The following IQGAP2 variants were observed in gnomAD, a reference collection of about 807,000 sequenced individuals.
IQGAP2 encodes IQ motif containing GTPase activating protein 2, also known as ras GTPase-activating-like protein IQGAP2.
In IQGAP2, 173 loss-of-function variants were observed where a neutral mutation model predicts 201.3. The ratio of observed to expected loss-of-function variants is 0.86; its 90% CI spans 0.76 to 0.98. The LOEUF is 0.98. Ranked by LOEUF, IQGAP2 falls within the 50% of genes least tolerant of loss-of-function variation. The pLI is 0.00. For synonymous variants in IQGAP2, 675 were observed against 673.9 expected (o/e 1.00, Z -0.03); for missense variants, 1,687 against 1,864.8 (o/e 0.90, Z 1.76).
At chr5:76,444,790 C>T (rs1020005862) in intron 1 of IQGAP2, among the ~76,000 whole-genome samples, 1 of 152,084 alleles carries the variant, frequency 6.6e-6, no homozygotes, top group African/African-American at 2.4e-5. Context: ...TGGTTCCTGC[C>T]AAATCTAGAA....
At chr5:76,553,700 T>C (rs989405351) in intron 2 of IQGAP2, among the ~76,000 whole-genome samples, 12 of 152,192 alleles carry the variant, frequency 7.9e-5, no homozygotes, top group Non-Finnish European at 2.9e-5. Flanking sequence ...CTGCCACAAG[T>C]AGTCCCACCC....
chr5:76,695,207 T>C (rs949314673), intron 31 of IQGAP2, among the ~76,000 whole-genome samples: 3 of 152,240 alleles, frequency 2.0e-5, no homozygotes, highest in African/African-American at 7.2e-5. Flanking sequence ...ATTACTATAG[T>C]GATTTGTCAC....
At chr5:76,500,638 T>C in intron 2 of IQGAP2, among the ~76,000 whole-genome samples, 1 of 152,228 alleles carries the variant, frequency 6.6e-6, no homozygotes, top group Admixed American at 6.5e-5. Flanking sequence ...GCCCCTTTTG[T>C]GCCTGGCTCT....
chr5:76,429,155 A>G (rs1277100304), intron 1 of IQGAP2, among the ~76,000 whole-genome samples: 1 of 152,046 alleles, frequency 6.6e-6, no homozygotes, highest in Non-Finnish European at 1.5e-5. Flanking sequence ...TTCCATTGAG[A>G]AGTAGGTCAT....
In IQGAP2 at chr5:76,668,834, G is replaced by A; in HGVS notation, c.2833G>A (p.Glu945Lys). Residue 945 changes from glutamate (E) to lysine (K), a missense_variant, in exon 23 of 36, where the codon GAA becomes AAA. By Grantham distance (56) the Glu-to-Lys change is moderately conservative. Coordinates refer to ENST00000274364, the MANE Select transcript of IQGAP2 (RefSeq NM_006633.5). Reference protein sequence around the residue: ...LLKLFKTALEEEIKSKVDQVQ... With the variant: ...LLKLFKTALEKEIKSKVDQVQ... Reference sequence around the variant, plus strand: ...CAAGCTTTTTAAAACTGCTCTGGAGGAAGAAATAAAGTATGTATACAAATA... The same window carrying A: ...CAAGCTTTTTAAAACTGCTCTGGAGAAAGAAATAAAGTATGTATACAAATA... The A allele has an allele frequency of 1.9e-6, 3 of 1,586,842 alleles. No individual in the cohort carries two copies. Among genetic ancestry groups the A allele is most frequent in the Non-Finnish European group, 2.6e-6 (3 of 1,165,826 alleles).
chr5:76,683,405 G>A (rs1745475380), intron 29 of IQGAP2, among the ~76,000 whole-genome samples, 188 bp downstream of exon 29: 1 of 151,952 alleles, frequency 6.6e-6, no homozygotes, highest in African/African-American at 2.4e-5. Flanking sequence ...ATGGAGTCCG[G>A]GATTATAAAA....
chr5:76,575,609 C>A, intron 4 of IQGAP2, 84 bp from the exon 5 acceptor site: 1 of 705,568 alleles, frequency 1.4e-6, no homozygotes, highest in Non-Finnish European at 2.3e-6. Context: ...ATAGCAAGGA[C>A]AATCAAAATA....
intron 5 of IQGAP2, among the ~76,000 whole-genome samples, chr5:76,582,074 G>A (rs1745910326): frequency 6.6e-6 from 1 of 152,184 alleles, no homozygotes; most frequent in Admixed American, 6.5e-5. Flanking sequence ...TATCTGTGCA[G>A]TGGTCACTAT....
At chr5:76,511,055 G>A (rs1486368730) in intron 2 of IQGAP2, among the ~76,000 whole-genome samples, 1 of 152,220 alleles carries the variant, frequency 6.6e-6, no homozygotes, top group East Asian at 1.9e-4. Context: ...GCCACATGCT[G>A]CTGGCTCCAC....
At chr5:76,644,580 A>G (rs978208605) in intron 17 of IQGAP2, among the ~76,000 whole-genome samples, 2 of 150,898 alleles carry the variant, frequency 1.3e-5, no homozygotes, top group Non-Finnish European at 2.9e-5. Flanking sequence ...GATTATAGGC[A>G]TAAGCCACCA....
chr5:76,512,744 A>G (rs1243680286), intron 2 of IQGAP2, among the ~76,000 whole-genome samples: 1 of 152,224 alleles, frequency 6.6e-6, no homozygotes, highest in East Asian at 1.9e-4. Flanking sequence ...ACTATATACT[A>G]TGTATGAGTT....
Position 76,631,936 on chromosome 5 carries a change from T to C in IQGAP2, c.1690T>C (p.Ser564Pro). 6.2e-7 allele frequency: 1 copy of C among 1,612,770 alleles called. No individual in the cohort carries two copies. The highest frequency in any genetic ancestry group is 1.1e-5 in the South Asian group (1 of 90,932). ...SSDILSVLKS[S>P]TSNANDIIPE... is the part of the protein sequence containing the mutation. ...TGATATTTTGTCTGTATTGAAGTCT[T>C]CCACTTCTAATGCAAATGACATAAT... The change falls in exon 15 of 36, where the codon TCC becomes CCC. Residue 564 changes from serine to proline, a missense_variant. Ser to Pro is a moderately conservative substitution (Grantham distance 74). Transcript: ENST00000274364.
At chr5:76,605,176 G>A (rs1035767354) in intron 11 of IQGAP2, among the ~76,000 whole-genome samples, 6 of 152,150 alleles carry the variant, frequency 3.9e-5, no homozygotes, top group African/African-American at 1.4e-4. Context: ...TGGAAAGTGG[G>A]AAAATTGATA....
chr5:76,410,691 G>T (rs1022344058), intron 1 of IQGAP2, among the ~76,000 whole-genome samples: 1 of 152,182 alleles, frequency 6.6e-6, no homozygotes, highest in African/African-American at 2.4e-5. Flanking sequence ...TCTCTAGGGG[G>T]TAGGGTTTCT....
intron 2 of IQGAP2, among the ~76,000 whole-genome samples, chr5:76,489,833 G>A (rs1001055381): frequency 3.9e-5 from 6 of 152,282 alleles, no homozygotes; most frequent in Non-Finnish European, 8.8e-5. Flanking sequence ...TTTTTATGAG[G>A]ATTGTTTCTG....
chr5:76,598,764 T>G (rs1417665477), intron 10 of IQGAP2, among the ~76,000 whole-genome samples: 1 of 152,140 alleles, frequency 6.6e-6, no homozygotes, highest in African/African-American at 2.4e-5. Context: ...TTGTTTAGAA[T>G]ACTGAAAACC....
intron 13 of IQGAP2, chr5:76,624,365 A>G (rs1450043085): frequency 6.6e-6 from 1 of 152,220 alleles, no homozygotes; most frequent in Non-Finnish European, 1.5e-5. Flanking sequence ...AAATGCAGCA[A>G]GAATCAGAAA....
At chr5:76,606,071 T>C in intron 11 of IQGAP2, 108 bp from the exon 12 acceptor site, 1 of 958,066 alleles carries the variant, frequency 1.0e-6, no homozygotes, top group Non-Finnish European at 1.5e-6. Context: ...TTCTACTCTT[T>C]GTCTAACTTC....
intron 2 of IQGAP2, among the ~76,000 whole-genome samples, chr5:76,549,320 A>AGT (rs35060845): frequency 0.38 from 55,440 of 147,614 alleles, 10,559 homozygotes; most frequent in South Asian, 0.49. Context: ...CGAGCTCTGG[A>AGT]GTGTGTGTGT....
Sources: gnomAD v4.1 joint callset for allele counts (sites outside exome capture counted in the v4.1 genomes callset) on GRCh38, gnomAD v4.1.1 for gene constraint, MANE v1.5 for transcripts, NCBI Gene and HGNC (gene_info 2026-07-23, HGNC 2026-07-21) for gene names.